Variants in CHKA observed in about 807,000 individuals in gnomAD.
CHKA encodes CHETK-alpha.
Under a neutral mutation model 60.1 loss-of-function variants are expected in CHKA, and 34 were observed. The ratio of observed to expected loss-of-function variants is 0.57; its 90% CI spans 0.43 to 0.75. The LOEUF is 0.75. Ranked by LOEUF, CHKA falls within the 30% of genes least tolerant of loss-of-function variation. The pLI, the probability that CHKA is intolerant of heterozygous loss-of-function variation, is 0.00. For synonymous variants in CHKA, 217 were observed against 223.1 expected (o/e 0.97, Z 0.24); for missense variants, 563 against 561.3 (o/e 1.00, Z -0.03).
At chr11:68,054,988 T>C (rs1414532100) in intron 11 of CHKA, among the ~76,000 whole-genome samples, 1 of 152,258 alleles carries the variant, frequency 6.6e-6, no homozygotes, top group African/African-American at 2.4e-5. Flanking sequence ...CATGCACTGG[T>C]GCCACCTTCC....
intron 1 of CHKA, among the ~76,000 whole-genome samples, chr11:68,101,170 G>C (rs970501916): frequency 1.3e-5 from 2 of 151,686 alleles, no homozygotes; most frequent in Non-Finnish European, 2.9e-5. Flanking sequence ...GGATGGTCTC[G>C]ATCTCCTGAC....
chr11:68,077,911 C>T (rs1028776468), intron 3 of CHKA, among the ~76,000 whole-genome samples: 5 of 152,252 alleles, frequency 3.3e-5, no homozygotes, highest in African/African-American at 9.6e-5. Context: ...AACTGAGAGG[C>T]CTGTCTCACT....
chr11:68,059,617 T>G (rs990710675), intron 11 of CHKA, among the ~76,000 whole-genome samples: 2 of 152,236 alleles, frequency 1.3e-5, no homozygotes, highest in East Asian at 3.8e-4. Context: ...GTTTAAAATA[T>G]TTTCTCATTT....
intron 11 of CHKA, among the ~76,000 whole-genome samples, chr11:68,059,170 C>T (rs1856130723): frequency 2.0e-5 from 3 of 152,218 alleles, no homozygotes; most frequent in Non-Finnish European, 4.4e-5. Context: ...GTTGGGATTA[C>T]AGGCATGAGC....
intron 2 of CHKA, among the ~76,000 whole-genome samples, chr11:68,084,813 A>G (rs376324268): frequency 6.6e-6 from 1 of 152,216 alleles, no homozygotes; most frequent in African/African-American, 2.4e-5. Context: ...ATGGAAGAAG[A>G]CTGGCTGTGA....
chr11:68,098,726 C>T (rs932735811), intron 1 of CHKA, among the ~76,000 whole-genome samples: 4 of 152,038 alleles, frequency 2.6e-5, no homozygotes, highest in Admixed American at 2.6e-4. Context: ...GAGGGTTTTG[C>T]TCTGTCATCC....
chr11:68,107,653 C>T (rs1243486050), intron 1 of CHKA, among the ~76,000 whole-genome samples: 2 of 152,046 alleles, frequency 1.3e-5, no homozygotes, highest in Non-Finnish European at 2.9e-5. Context: ...CTTCTTGATC[C>T]CTCTCTCCTC....
chr11:68,089,605 A>ATTTGC (rs1187808413), intron 2 of CHKA, among the ~76,000 whole-genome samples: 1 of 152,186 alleles, frequency 6.6e-6, no homozygotes, highest in East Asian at 1.9e-4. Context: ...AAGGAATCTG[A>ATTTGC]TTTGCTTTGG....
At chr11:68,073,441 G>A (rs1290162131) in intron 4 of CHKA, among the ~76,000 whole-genome samples, 2 of 152,128 alleles carry the variant, frequency 1.3e-5, no homozygotes, top group Non-Finnish European at 2.9e-5. Flanking sequence ...ATCACCTGAG[G>A]TCGGGAGTTC....
At chr11:68,063,298 T>C (rs1856316065) in intron 10 of CHKA, among the ~76,000 whole-genome samples, 1 of 151,982 alleles carries the variant, frequency 6.6e-6, no homozygotes, top group African/African-American at 2.4e-5. Flanking sequence ...CAGGAGTTCA[T>C]GACCAGCCTG....
At chr11:68,067,207 G>A (rs748180260) in intron 7 of CHKA, among the ~76,000 whole-genome samples, 30 of 152,186 alleles carry the variant, frequency 2.0e-4, no homozygotes, top group Non-Finnish European at 3.8e-4. Flanking sequence ...GCCAACCTTC[G>A]CTAGGTTTTC....
chr11:68,075,921 G>T (rs116003842), intron 3 of CHKA, among the ~76,000 whole-genome samples: 2 of 152,142 alleles, frequency 1.3e-5, no homozygotes, highest in East Asian at 1.9e-4. Flanking sequence ...TGCTGTGGAG[G>T]AACATGATCC....
intron 3 of CHKA, among the ~76,000 whole-genome samples, chr11:68,076,391 A>G (rs1856788644): frequency 6.6e-6 from 1 of 152,162 alleles, no homozygotes; most frequent in African/African-American, 2.4e-5. Context: ...TTTTAGTCCT[A>G]TGGTAGTGTT....
At chr11:68,075,800 CT>C (rs1407703807) in intron 3 of CHKA, among the ~76,000 whole-genome samples, 1 of 152,144 alleles carries the variant, frequency 6.6e-6, no homozygotes, top group African/African-American at 2.4e-5. Context: ...AAAAAAAGAG[CT>C]TTTGCAAAGA....
At chr11:68,074,854 G>C (rs374706931) in intron 3 of CHKA, 24 bp from the exon 4 acceptor site, 67 of 1,608,750 alleles carry the variant, frequency 4.2e-5, no homozygotes, top group Non-Finnish European at 5.4e-5. Flanking sequence ...CAACAAATCA[G>C]GTGTTTACTG....
At position 68,096,271 on chromosome 11, in the gene CHKA, G is replaced by A. The variant is rs560183532; in HGVS notation, c.462+748C>T. 3.9e-5 allele frequency among the ~76,000 whole-genome samples: 6 copies of A among 152,082 alleles called. No individual in the cohort carries two copies. In the East Asian group the frequency reaches 1.2e-3, roughly 29 times the overall value. The stretch of plus-strand genomic sequence containing the variant: ...AGCTACTTGGGAGGCTTAGGCAGGA[G>A]AATCACTTGAACCCGGGAGGCAGAG... On this transcript the variant is annotated intron_variant, in intron 2 of 11. Coordinates refer to ENST00000265689, the MANE Select transcript of CHKA (RefSeq NM_001277.3).
intron 2 of CHKA, chr11:68,081,703 A>C: frequency 2.4e-6 from 1 of 416,376 alleles, no homozygotes; most frequent in Non-Finnish European, 4.4e-6. Flanking sequence ...CGATAGCTGC[A>C]CGTCTCACAG....
Position 68,090,675 on chromosome 11 carries a change from A to C in CHKA, c.462+6344T>G, listed in dbSNP as rs143734481. On this transcript the variant is annotated intron_variant, in intron 2 of 11. Transcript: ENST00000265689. Reference sequence around the variant, plus strand: ...TGACTCTTTTAAGTTGCTAATACATATCTGCGTTGTGCCTTGATGCCTTTA... The same window carrying C: ...TGACTCTTTTAAGTTGCTAATACATCTCTGCGTTGTGCCTTGATGCCTTTA... Among the ~76,000 whole-genome samples the C allele has an allele frequency of 6.6e-5, 10 of 152,352 alleles. No homozygotes were observed. The East Asian group carries it at 1.7e-3, about 26-fold the overall frequency.
chr11:68,064,508 A>T lies in CHKA; in HGVS notation c.1232+17T>A, dbSNP rs757483058. ...GAGGAAAGCTATCTTTACAAATCAAAAAAGGAAAAATGTTACCTATTAACT... is the reference window on the plus strand; with the variant it reads ...GAGGAAAGCTATCTTTACAAATCAATAAAGGAAAAATGTTACCTATTAACT... On this transcript the variant is annotated intron_variant, in intron 10 of 11. Coordinates refer to ENST00000265689, the MANE Select transcript of CHKA (RefSeq NM_001277.3). 5 of 1,352,544 alleles carry T rather than the reference A, an allele frequency of 3.7e-6. No individual in the cohort carries two copies. In the African/African-American group the frequency reaches 7.4e-5, roughly 20 times the overall value. 83.8% of individuals were successfully genotyped at this position (1,352,544 alleles called of 1,614,324 possible).
Sources: gnomAD v4.1 joint callset for allele counts (sites outside exome capture counted in the v4.1 genomes callset) on GRCh38, gnomAD v4.1.1 for gene constraint, MANE v1.5 for transcripts, NCBI Gene and HGNC (gene_info 2026-07-23, HGNC 2026-07-21) for gene names.